The following FAM178B variants were observed in gnomAD, a reference collection of about 807,000 sequenced individuals.
FAM178B encodes the protein family with sequence similarity 178 member B.
Under a neutral mutation model 91.7 loss-of-function variants are expected in FAM178B, and 82 were observed. The observed-to-expected ratio is 0.89, with a 90% CI of 0.75 to 1.07. The LOEUF (loss-of-function observed/expected upper bound fraction) is 1.07. FAM178B is among the 50% of genes least tolerant of loss of function. FAM178B has a pLI of 0.00. For missense variants in FAM178B, 769 were observed against 846.7 expected, an observed-to-expected ratio of 0.91 and a Z score of 1.14; for synonymous variants, 368 against 359.4, an observed-to-expected ratio of 1.02 and a Z score of -0.27.
At chr2:96,984,437 A>G (rs1309324623) in intron 1 of FAM178B, among the ~76,000 whole-genome samples, 1 of 152,212 alleles carries the variant, frequency 6.6e-6, no homozygotes, top group Admixed American at 6.5e-5. Flanking sequence ...AGCTTACAGC[A>G]GCAGGAAGTT....
rs1325379428 is a variant in FAM178B, at chr2:96,924,052, TG to T, written c.1194-470del. On this transcript the variant is annotated intron_variant, in intron 9 of 16. Transcript: ENST00000490605. ...TTCTACTGGTCACACAGGGCCGACC[TG>T]ACTTGGTGTAGGAGGAGGCTACAGA... Among the ~76,000 whole-genome samples, 84 of 152,348 alleles carry T rather than the reference TG, an allele frequency of 5.5e-4. No homozygotes were observed. In the East Asian group the frequency reaches 0.013, roughly 23 times the overall value.
chr2:96,878,790 C>T (rs556799762), intron 14 of FAM178B, among the ~76,000 whole-genome samples: 1 of 152,342 alleles, frequency 6.6e-6, no homozygotes, highest in East Asian at 1.9e-4. Context: ...CAGAAACACA[C>T]ACTGTCCCCC....
chr2:96,895,296 TCA>T, intron 13 of FAM178B: 1 of 368,652 alleles, frequency 2.7e-6, no homozygotes, highest in Non-Finnish European at 5.1e-6. Flanking sequence ...ACACCTGTGT[TCA>T]GTTTTCTCTG....
chr2:96,969,983 G>A (rs1461330864), intron 4 of FAM178B, among the ~76,000 whole-genome samples: 4 of 152,212 alleles, frequency 2.6e-5, no homozygotes, highest in African/African-American at 9.7e-5. Context: ...CTTAACTTCT[G>A]CAAACACAAT....
rs1343867133 is a variant in FAM178B, at chr2:96,970,774, A to G, written c.568T>C (p.Ser190Pro). Residue 190 changes from serine to proline, a missense_variant, in exon 4 of 17, where the codon TCC becomes CCC. Coordinates refer to ENST00000490605, the MANE Select transcript of FAM178B (RefSeq NM_001122646.3). ...AAGTAGCTTCCTGAGCCCCCCCAGG[A>G]AAACTGGAGAAACAGGACATGGGAA... ...LSQQAAAPEF[S>P]WGGSGSYFNN... The G allele has an allele frequency of 1.3e-6, 2 of 1,550,724 alleles. No homozygotes were observed.
At chr2:96,923,101 T>C (rs561914771) in intron 10 of FAM178B, among the ~76,000 whole-genome samples, 1 of 152,332 alleles carries the variant, frequency 6.6e-6, no homozygotes, top group South Asian at 2.1e-4. Flanking sequence ...CCTGAGCAGA[T>C]GGGACTACAG....
At chr2:96,973,664 T>C (rs760445583) in intron 1 of FAM178B, among the ~76,000 whole-genome samples, 6 of 152,156 alleles carry the variant, frequency 3.9e-5, no homozygotes, top group African/African-American at 4.8e-5. Flanking sequence ...CAAATCAACA[T>C]GACTATGACA....
chr2:96,962,566 G>A (rs949593617), intron 5 of FAM178B, among the ~76,000 whole-genome samples: 10 of 152,130 alleles, frequency 6.6e-5, no homozygotes, highest in Non-Finnish European at 1.5e-4. Flanking sequence ...TAATGTATGT[G>A]CATTATTAAG....
intron 12 of FAM178B, 81 bp downstream of exon 12, chr2:96,921,084 G>A: frequency 8.4e-7 from 1 of 1,192,260 alleles, no homozygotes; most frequent in Non-Finnish European, 1.2e-6. Flanking sequence ...TGTTGGGGCT[G>A]ATGGGGAGGA....
chr2:96,960,497 C>T (rs1436706553), intron 5 of FAM178B, 57 bp from the exon 6 acceptor site: 26 of 1,488,844 alleles, frequency 1.7e-5, no homozygotes, highest in Non-Finnish European at 2.3e-5. Context: ...CGGCCTGAGG[C>T]ATGGCCATTA....
intron 8 of FAM178B, among the ~76,000 whole-genome samples, chr2:96,936,187 TTTTA>T (rs921289172): frequency 6.6e-5 from 10 of 151,910 alleles, no homozygotes; most frequent in South Asian, 2.1e-4. Context: ...GTATTCTTCT[TTTTA>T]TTTATTTATT....
Position 96,972,273 on chromosome 2 carries a change from A to G in FAM178B, c.192T>C (p.Asp64=), listed in dbSNP as rs1310801747. The change falls in exon 3 of 17, where the codon GAT becomes GAC. Residue 64 remains aspartate (D), a synonymous_variant. Coordinates refer to ENST00000490605, the MANE Select transcript of FAM178B (RefSeq NM_001122646.3). ...TVPILLYNLE[D]GLSDHPLDQG... ...GGTCCAGGGGATGGTCTGACAAGCC[A>G]TCCTCCAGGTTGTACAGGAGGATGG... 1 of 1,496,108 alleles carries G rather than the reference A, an allele frequency of 6.7e-7. No individual in the cohort carries two copies. The highest frequency in any genetic ancestry group is 2.5e-5 in the East Asian group (1 of 40,620). The allele number at this position is 1,496,108 out of a possible 1,614,324, so 92.7% of individuals were successfully genotyped here. A position where few individuals can be genotyped will look rare whatever the true frequency, so the allele number is the denominator to read the frequency against.
chr2:96,911,591 T>C (rs2081159634), intron 12 of FAM178B, among the ~76,000 whole-genome samples: 1 of 152,140 alleles, frequency 6.6e-6, no homozygotes. Context: ...TGCGAACACA[T>C]GAGCATCTGA....
At chr2:96,912,371 C>G (rs938969884) in intron 12 of FAM178B, among the ~76,000 whole-genome samples, 4 of 151,950 alleles carry the variant, frequency 2.6e-5, no homozygotes, top group African/African-American at 9.7e-5. Flanking sequence ...TGGGGGGCAC[C>G]TAGCACCCCC....
intron 5 of FAM178B, among the ~76,000 whole-genome samples, chr2:96,964,791 T>C (rs2082123757): frequency 1.3e-5 from 2 of 152,192 alleles, no homozygotes; most frequent in Admixed American, 6.5e-5. Context: ...GAGCTGCTCC[T>C]GTGCAGGGCA....
chr2:96,927,886 GTCTT>G (rs1490151053), intron 9 of FAM178B, among the ~76,000 whole-genome samples: 2 of 152,186 alleles, frequency 1.3e-5, no homozygotes, highest in Admixed American at 1.3e-4. Context: ...ACGTTCATTT[GTCTT>G]TCTGAGTGTA....
At position 96,972,011 on chromosome 2, in the gene FAM178B, C is replaced by T. The variant is rs148258556; in HGVS notation, c.454G>A (p.Glu152Lys). 9.8e-4 allele frequency: 1,529 copies of T among 1,554,642 alleles called. 3 individuals carry two copies. The highest frequency in any genetic ancestry group is 2.9e-3 in the South Asian group (247 of 84,204). ...GLRRLAGELP[E>K]ELEQEHLDLD... ...TCCAGGTGTTCCTGCTCCAACTCCTCGGGCAGCTCACCAGCCAGTCTCCTC... is the reference window on the plus strand; with the variant it reads ...TCCAGGTGTTCCTGCTCCAACTCCTTGGGCAGCTCACCAGCCAGTCTCCTC... Residue 152 changes from glutamate to lysine, a missense_variant, in exon 3 of 17, where the codon GAG (glutamate) becomes AAG (lysine). Physicochemically the swap from Glu to Lys is moderately conservative, Grantham distance 56. Transcript: ENST00000490605.
At chr2:96,935,893 C>T (rs1363014225) in intron 8 of FAM178B, among the ~76,000 whole-genome samples, 1 of 151,792 alleles carries the variant, frequency 6.6e-6, no homozygotes, top group Admixed American at 6.6e-5. Flanking sequence ...GCCTCGGCTC[C>T]GCAAAGTGCT....
intron 6 of FAM178B, among the ~76,000 whole-genome samples, chr2:96,958,647 G>A (rs889452603): frequency 5.1e-5 from 7 of 137,226 alleles, no homozygotes; most frequent in East Asian, 2.3e-4. Context: ...CCGAGATGGC[G>A]CCACTGCACT....
Sources: gnomAD v4.1 joint callset for allele counts (sites outside exome capture counted in the v4.1 genomes callset) on GRCh38, gnomAD v4.1.1 for gene constraint, MANE v1.5 for transcripts, NCBI Gene and HGNC (gene_info 2026-07-23, HGNC 2026-07-21) for gene names.